Variants in MINDY2 observed in about 807,000 individuals in gnomAD.
MINDY2 encodes the protein ubiquitin carboxyl-terminal hydrolase MINDY-2.
MINDY2 carries 52 observed loss-of-function variants against 68.2 expected under a neutral mutation model. The observed-to-expected ratio is 0.76, with a 90% confidence interval of 0.61 to 0.96. The LOEUF is 0.96. Ranked by LOEUF, MINDY2 falls within the 40% of genes least tolerant of loss-of-function variation. MINDY2 has a pLI of 0.00. For synonymous variants in MINDY2, 372 were observed against 303.0 expected (o/e 1.23, Z -2.36); for missense variants, 881 against 773.4 (o/e 1.14, Z -1.65).
In MINDY2 at chr15:58,848,335, A is replaced by T. The variant is rs1228155209; in HGVS notation, c.1542+865A>T. ...ATTAGGTCCTAGAGATACAAAGATA[A>T]ATCATTGAGTCCTGTCCTTAAAGAT... On this transcript the variant is annotated intron_variant, in intron 7 of 8. Coordinates refer to ENST00000559228, the MANE Select transcript of MINDY2 (RefSeq NM_001040450.3). 3.3e-5 allele frequency among the ~76,000 whole-genome samples: 5 copies of T among 152,228 alleles called. No individual in the cohort carries two copies. In the East Asian group the frequency reaches 9.6e-4, roughly 29 times the overall value.
intron 6 of MINDY2, among the ~76,000 whole-genome samples, chr15:58,846,092 T>TAAA (rs34161206): frequency 8.1e-4 from 110 of 136,262 alleles, no homozygotes; most frequent in South Asian, 6.8e-3. Flanking sequence ...TAATGGATGT[T>TAAA]AAAAAAAAAA....
At chr15:58,848,383 T>C (rs562181647) in intron 7 of MINDY2, among the ~76,000 whole-genome samples, 2 of 152,308 alleles carry the variant, frequency 1.3e-5, no homozygotes, top group Middle Eastern at 6.8e-3. Context: ...GGAAGGCAGA[T>C]ATTTGACCAA....
In MINDY2 at chr15:58,829,215, G is replaced by T. The variant is rs146873292; in HGVS notation, c.1226-2559G>T. ...ATTAATTATAAAAATTTAAAACTAG[G>T]TTAGCCTTTTCCACTAAAACCACTG... is the stretch of plus-strand genomic sequence containing the variant. On this transcript the variant is annotated intron_variant, in intron 5 of 8. Transcript: ENST00000559228. Among the ~76,000 whole-genome samples the T allele has an allele frequency of 3.1e-3, 469 of 152,270 alleles. 2 individuals carry two copies. Among genetic ancestry groups the T allele is most frequent in the African/African-American group, 0.011 (449 of 41,562 alleles).
chr15:58,780,839 T>C (rs1438701559), intron 1 of MINDY2, among the ~76,000 whole-genome samples: 2 of 152,204 alleles, frequency 1.3e-5, no homozygotes, highest in African/African-American at 4.8e-5. Flanking sequence ...TTTCTACTGC[T>C]ACTACCCTAG....
intron 4 of MINDY2, among the ~76,000 whole-genome samples, 154 bp downstream of exon 4, chr15:58,810,542 A>T (rs2030164110): frequency 6.6e-6 from 1 of 152,124 alleles, no homozygotes; most frequent in African/African-American, 2.4e-5. Flanking sequence ...AGTCCTCCAG[A>T]CTACTAAGTC....
chr15:58,838,905 G>T (rs1200231928), intron 6 of MINDY2, among the ~76,000 whole-genome samples: 1 of 151,678 alleles, frequency 6.6e-6, no homozygotes, highest in Non-Finnish European at 1.5e-5. Context: ...ACTTTTCAGA[G>T]GATCTTTATG....
intron 2 of MINDY2, among the ~76,000 whole-genome samples, chr15:58,791,654 G>GTGT (rs1901942892): frequency 7.0e-6 from 1 of 142,340 alleles, no homozygotes; most frequent in Non-Finnish European, 1.5e-5. Context: ...GTGTGTGTGT[G>GTGT]TGTGTGTATG....
chr15:58,803,449 AG>A (rs2140957459), intron 3 of MINDY2, among the ~76,000 whole-genome samples: 1 of 151,258 alleles, frequency 6.6e-6, no homozygotes, highest in African/African-American at 2.4e-5. Flanking sequence ...GGCTGGTGAC[AG>A]AGCAAGACTC....
chr15:58,852,000 A>G (rs16940850), intron 8 of MINDY2, 35 bp downstream of exon 8: 964,009 of 1,496,288 alleles, frequency 0.64, 317,806 homozygotes, highest in Middle Eastern at 0.7. Context: ...AAATGTGATG[A>G]TCATGGCTGG....
chr15:58,831,041 G>GTGTGTGTGTA (rs565786025), intron 5 of MINDY2, among the ~76,000 whole-genome samples: 9 of 124,920 alleles, frequency 7.2e-5, no homozygotes, highest in African/African-American at 3.1e-4. Flanking sequence ...GTGTGTGTGT[G>GTGTGTGTGTA]TATATATATA....
intron 4 of MINDY2, among the ~76,000 whole-genome samples, chr15:58,810,601 A>G (rs183432588): frequency 3.0e-4 from 45 of 152,264 alleles, no homozygotes; most frequent in African/African-American, 9.9e-4. Context: ...CCCAACTACA[A>G]GGTTAGAGGG....
At chr15:58,818,776 A>T (rs2030869484) in intron 4 of MINDY2, among the ~76,000 whole-genome samples, 1 of 150,356 alleles carries the variant, frequency 6.7e-6, no homozygotes, top group Non-Finnish European at 1.5e-5. Flanking sequence ...AGTAGCTGGG[A>T]TTACTGGTGC....
In MINDY2 at chr15:58,794,303, G is replaced by A. The variant is rs565917268; in HGVS notation, c.898+6340G>A. 1.3e-3 allele frequency among the ~76,000 whole-genome samples: 195 copies of A among 151,810 alleles called. 1 individual carries two copies. The highest frequency in any genetic ancestry group is 0.01 in the Middle Eastern group (3 of 294). On this transcript the variant is annotated intron_variant, in intron 2 of 8. Coordinates refer to ENST00000559228, the MANE Select transcript of MINDY2 (RefSeq NM_001040450.3). ...AGGAATTTTTGGTAATAATGAAACT[G>A]TATTACCATGGGAAATGAGTTTCTG... is the stretch of plus-strand genomic sequence containing the variant.
chr15:58,846,693 T>C (rs1453200440), intron 6 of MINDY2, among the ~76,000 whole-genome samples: 1 of 151,906 alleles, frequency 6.6e-6, no homozygotes, highest in Non-Finnish European at 1.5e-5. Flanking sequence ...TGTATGCACG[T>C]ACAGAGTTTA....
chr15:58,799,353 G>C (rs1161299667), intron 2 of MINDY2, among the ~76,000 whole-genome samples: 1 of 152,192 alleles, frequency 6.6e-6, no homozygotes, highest in Non-Finnish European at 1.5e-5. Flanking sequence ...GGATCACGAG[G>C]TCGGGAGATC....
intron 2 of MINDY2, among the ~76,000 whole-genome samples, chr15:58,799,272 T>G (rs1277770878): frequency 6.6e-6 from 1 of 152,136 alleles, no homozygotes; most frequent in Non-Finnish European, 1.5e-5. Flanking sequence ...GTTTTTGAGT[T>G]AAAAAGCAAA....
At chr15:58,853,001 G>A (rs1457703131) in intron 8 of MINDY2, among the ~76,000 whole-genome samples, 1 of 54,848 alleles carries the variant, frequency 1.8e-5, no homozygotes, top group Non-Finnish European at 4.4e-5. Context: ...TGCCCAGGCT[G>A]GAGTGCAGTG....
intron 2 of MINDY2, among the ~76,000 whole-genome samples, chr15:58,799,419 T>G (rs1338515963): frequency 6.6e-6 from 1 of 151,948 alleles, no homozygotes; most frequent in African/African-American, 2.4e-5. Context: ...TACAAAAAAT[T>G]AGCCAGGCGT....
intron 6 of MINDY2, among the ~76,000 whole-genome samples, chr15:58,834,920 G>A (rs1478719429): frequency 6.6e-6 from 1 of 152,210 alleles, no homozygotes; most frequent in East Asian, 1.9e-4. Context: ...TATGTCAGAT[G>A]TGGGCCCAGA....
Sources: gnomAD v4.1 joint callset for allele counts (sites outside exome capture counted in the v4.1 genomes callset) on GRCh38, gnomAD v4.1.1 for gene constraint, MANE v1.5 for transcripts, NCBI Gene and HGNC (gene_info 2026-07-23, HGNC 2026-07-21) for gene names.